Variants in COX19 observed in about 807,000 individuals in gnomAD.
COX19 encodes cytochrome c oxidase assembly protein COX19.
Under a neutral mutation model 6.8 loss-of-function variants are expected in COX19, and 8 were observed. The observed-to-expected ratio is 1.18, with a 90% confidence interval of 0.69 to 2.12. The LOEUF (loss-of-function observed/expected upper bound fraction) is 2.12. Among genes scored for constraint, COX19 ranks in the 30% most tolerant of loss-of-function variants. The probability of loss-of-function intolerance (pLI) is 0.00; values close to 1 mark genes in which losing one functional copy is unlikely to be tolerated. For synonymous variants in COX19, 51 were observed against 38.0 expected, an observed-to-expected ratio of 1.34 and a Z score of -1.26; for missense variants, 131 against 104.6, an observed-to-expected ratio of 1.25 and a Z score of -1.10.
rs1847587202 is a variant in COX19, at chr7:968,199, G to GA, written c.*1178dup. The GA allele has an allele frequency of 6.6e-6, 1 of 152,378 alleles. No homozygotes were observed. Among genetic ancestry groups the GA allele is most frequent in the African/African-American group, 2.4e-5 (1 of 41,460 alleles). The allele number at this position is 152,378 out of a possible 1,614,324, so 9.4% of individuals were successfully genotyped here. On this transcript the variant is annotated 3_prime_UTR_variant, in exon 3 of 3. Coordinates refer to ENST00000344111, the MANE Select transcript of COX19 (RefSeq NM_001031617.3). ...GGAGGGGAGGGACATGTTTAACCAC[G>GA]AAAGGGCCACCACTGCAGGACAGAA...
Position 967,169 on chromosome 7 carries a change from G to C in COX19, c.*2209C>G, listed in dbSNP as rs547674916. ...AAGAGGGAAGCACGAAGTTCTGTCA[G>C]TTTTGCTGTCACATCTCAGACTTGA... On this transcript the variant is annotated 3_prime_UTR_variant, in exon 3 of 3. Transcript: ENST00000344111. 2.0e-4 allele frequency: 30 copies of C among 152,314 alleles called. No homozygotes were observed. Among genetic ancestry groups the C allele is most frequent in the African/African-American group, 6.3e-4 (26 of 41,568 alleles). The allele number at this position is 152,314 out of a possible 1,614,324, so 9.4% of individuals were successfully genotyped here.
rs1478860352 is a variant in COX19 at position 965,180 on chromosome 7, G to A, written c.*4198C>T. ...TCATGCCTATTGGAAACTCTTTGAAGTTATTTTGAAACGAGAATCGACTCA... is the reference window on the plus strand; with the variant it reads ...TCATGCCTATTGGAAACTCTTTGAAATTATTTTGAAACGAGAATCGACTCA... On this transcript the variant is annotated 3_prime_UTR_variant, in exon 3 of 3. Coordinates refer to ENST00000344111, the MANE Select transcript of COX19 (RefSeq NM_001031617.3). 6.6e-6 allele frequency among the ~76,000 whole-genome samples: 1 copy of A among 151,832 alleles called. No individual in the cohort carries two copies. Among genetic ancestry groups the A allele is most frequent in the East Asian group, 1.9e-4 (1 of 5,184 alleles).
chr7:973,256 C>G lies in COX19; in HGVS notation c.119G>C (p.Cys40Ser), dbSNP rs1412022517. The change falls in exon 2 of 3, where the codon TGT (cysteine) becomes TCT (serine). Residue 40 changes from cysteine (C) to serine (S), a missense_variant. Transcript: ENST00000344111. ...CKSFKEKFMK[C>S]LHNNNFENAL... ...ATTTTCAAAATTATTGTTATGAAGACACTTCATGAATTTCTCTTTAAAGCT... is the reference window on the plus strand; with the variant it reads ...ATTTTCAAAATTATTGTTATGAAGAGACTTCATGAATTTCTCTTTAAAGCT... The G allele has an allele frequency of 6.3e-7, 1 of 1,597,470 alleles. No homozygotes were observed. The highest frequency in any genetic ancestry group is 1.4e-5 in the African/African-American group (1 of 73,980).
In COX19 at chr7:968,621, C is replaced by T. The variant is rs1466365332; in HGVS notation, c.*757G>A. The T allele has an allele frequency of 6.6e-6, 1 of 152,266 alleles. No individual in the cohort carries two copies. Among genetic ancestry groups the T allele is most frequent in the Non-Finnish European group, 1.5e-5 (1 of 68,064 alleles). The allele number at this position is 152,266 out of a possible 1,614,324, so 9.4% of individuals were successfully genotyped here. A position where few individuals can be genotyped will look rare whatever the true frequency, so the allele number is the denominator to read the frequency against. ...AACTTTGGCACAGACGGGCTGAGAA[C>T]TCCGCTCAGGGCCCCTGCCAGGCTG... On this transcript the variant is annotated 3_prime_UTR_variant, in exon 3 of 3. Coordinates refer to ENST00000344111, the MANE Select transcript of COX19 (RefSeq NM_001031617.3).
At position 968,204 on chromosome 7, in the gene COX19, G is replaced by C. The variant is rs569325965; in HGVS notation, c.*1174C>G. 1 of 152,494 alleles carries C rather than the reference G, an allele frequency of 6.6e-6. No homozygotes were observed. Among genetic ancestry groups the C allele is most frequent in the South Asian group, 2.1e-4 (1 of 4,830 alleles). 9.4% of individuals were successfully genotyped at this position (152,494 alleles called of 1,614,324 possible). Reference sequence around the variant, plus strand: ...GGAGGGACATGTTTAACCACGAAAGGGCCACCACTGCAGGACAGAAACAGA... The same window carrying C: ...GGAGGGACATGTTTAACCACGAAAGCGCCACCACTGCAGGACAGAAACAGA... On this transcript the variant is annotated 3_prime_UTR_variant, in exon 3 of 3. Coordinates refer to ENST00000344111, the MANE Select transcript of COX19 (RefSeq NM_001031617.3).
At position 975,402 on chromosome 7, in the gene COX19, C is replaced by T. The variant is rs771354041; in HGVS notation, c.82+26G>A. ...GACCCAGACCCCCCATCGCAGACCC[C>T]TGCCCGCCGACCTTCCGCCGCTCAC... On this transcript the variant is annotated intron_variant, in intron 1 of 2. Transcript: ENST00000344111. The T allele has an allele frequency of 3.9e-6, 6 of 1,557,838 alleles. No individual in the cohort carries two copies. The East Asian group carries it at 9.9e-5, about 26-fold the overall frequency.
Position 975,527 on chromosome 7 carries a change from C to G in COX19, c.-18G>C, listed in dbSNP as rs1395084751. On this transcript the variant is annotated 5_prime_UTR_variant, in exon 1 of 3. Transcript: ENST00000344111. ...GTCGACATGTTGGCGACTCCGGAGTCTGCGAGCGCCTTGCGAGCGTACGCA... is the reference window on the plus strand; with the variant it reads ...GTCGACATGTTGGCGACTCCGGAGTGTGCGAGCGCCTTGCGAGCGTACGCA... 2 of 1,594,378 alleles carry G rather than the reference C, an allele frequency of 1.3e-6. No homozygotes were observed. Among genetic ancestry groups the G allele is most frequent in the African/African-American group, 1.4e-5 (1 of 72,468 alleles).
rs972564217 is a variant in COX19, at chr7:968,011, C to T, written c.*1367G>A. ...TATTCTAATAAGAAACAAGACTTTC[C>T]ATCAACTAGCGGTGATATGTTAATA... On this transcript the variant is annotated 3_prime_UTR_variant, in exon 3 of 3. Transcript: ENST00000344111. 6.6e-6 allele frequency: 1 copy of T among 152,258 alleles called. No homozygotes were observed. The highest frequency in any genetic ancestry group is 1.5e-5 in the Non-Finnish European group (1 of 68,052). 9.4% of individuals were successfully genotyped at this position (152,258 alleles called of 1,614,324 possible).
chr7:971,655 A>G (rs1265421090), intron 2 of COX19, among the ~76,000 whole-genome samples: 1 of 152,168 alleles, frequency 6.6e-6, no homozygotes, highest in Non-Finnish European at 1.5e-5. Flanking sequence ...GCGGACCATG[A>G]GGTCAGGAGA....
At chr7:969,535 G>A in intron 2 of COX19, 79 bp from the exon 3 acceptor site, 3 of 907,558 alleles carry the variant, frequency 3.3e-6, no homozygotes, top group Non-Finnish European at 5.3e-6. Context: ...CGGCTTCCCA[G>A]CGCACACCGG....
rs971358102 is a variant in COX19 at position 975,212 on chromosome 7, G to T, written c.82+216C>A. The T allele has an allele frequency of 9.2e-6, 4 of 433,060 alleles. No homozygotes were observed. In the Admixed American group the frequency reaches 1.8e-4, roughly 19 times the overall value. 26.8% of individuals were successfully genotyped at this position (433,060 alleles called of 1,614,324 possible). ...CCTGACGCAAGGAGTCGGTGTCGCT[G>T]CCCTCGTCACGGGGGCCACGGTCCT... On this transcript the variant is annotated intron_variant, in intron 1 of 2. Transcript: ENST00000344111.
At position 965,858 on chromosome 7, in the gene COX19, T is replaced by C. The variant is rs1847545248; in HGVS notation, c.*3520A>G. 6.6e-6 allele frequency among the ~76,000 whole-genome samples: 1 copy of C among 152,214 alleles called. No individual in the cohort carries two copies. The highest frequency in any genetic ancestry group is 2.4e-5 in the African/African-American group (1 of 41,456). On this transcript the variant is annotated 3_prime_UTR_variant, in exon 3 of 3. Coordinates refer to ENST00000344111, the MANE Select transcript of COX19 (RefSeq NM_001031617.3). Reference sequence around the variant, plus strand: ...TTCTCCATGTTGGCCAGGCTGGCCTTGAACTCCTGGCCTCAAGTGATCTGC... The same window carrying C: ...TTCTCCATGTTGGCCAGGCTGGCCTCGAACTCCTGGCCTCAAGTGATCTGC...
chr7:965,172 T>C lies in COX19; in HGVS notation c.*4206A>G, dbSNP rs1562944148. ...TGCCGGCATCATGCCTATTGGAAACTCTTTGAAGTTATTTTGAAACGAGAA... is the reference window on the plus strand; with the variant it reads ...TGCCGGCATCATGCCTATTGGAAACCCTTTGAAGTTATTTTGAAACGAGAA... On this transcript the variant is annotated 3_prime_UTR_variant, in exon 3 of 3. Coordinates refer to ENST00000344111, the MANE Select transcript of COX19 (RefSeq NM_001031617.3). Among the ~76,000 whole-genome samples, 1 of 152,222 alleles carries C rather than the reference T, an allele frequency of 6.6e-6. No homozygotes were observed. The highest frequency in any genetic ancestry group is 2.1e-4 in the South Asian group (1 of 4,836).
rs1170370131 is a variant in COX19 at position 973,244 on chromosome 7, T to C, written c.131A>G (p.Asn44Ser). Residue 44 changes from asparagine to serine, a missense_variant, in exon 2 of 3, where the codon AAT (asparagine) becomes AGT (serine). By Grantham distance (46) the Asn-to-Ser change is conservative. Transcript: ENST00000344111. ...KEKFMKCLHN[N>S]NFENALCRKE... ...TCTGCACAAAGCATTTTCAAAATTATTGTTATGAAGACACTTCATGAATTT... is the reference window on the plus strand; with the variant it reads ...TCTGCACAAAGCATTTTCAAAATTACTGTTATGAAGACACTTCATGAATTT... 2.7e-5 allele frequency: 44 copies of C among 1,603,828 alleles called. No individual in the cohort carries two copies. Among genetic ancestry groups the C allele is most frequent in the Non-Finnish European group, 3.7e-5 (43 of 1,176,088 alleles).
At chr7:974,646 T>TTTTTC (rs916581956) in intron 1 of COX19, among the ~76,000 whole-genome samples, 2 of 151,854 alleles carry the variant, frequency 1.3e-5, no homozygotes, top group Admixed American at 6.6e-5. Context: ...TCACAGATCG[T>TTTTTC]TTTTCTTTTC....
At chr7:974,231 C>T (rs1412273714) in intron 1 of COX19, among the ~76,000 whole-genome samples, 1 of 125,970 alleles carries the variant, frequency 7.9e-6, no homozygotes, top group African/African-American at 3.1e-5. Context: ...GCCTGGGCAA[C>T]ATGGGGAAAC....
chr7:965,182 T>A lies in COX19; in HGVS notation c.*4196A>T, dbSNP rs1424166543. On this transcript the variant is annotated 3_prime_UTR_variant, in exon 3 of 3. Coordinates refer to ENST00000344111, the MANE Select transcript of COX19 (RefSeq NM_001031617.3). ...ATGCCTATTGGAAACTCTTTGAAGT[T>A]ATTTTGAAACGAGAATCGACTCAAT... Among the ~76,000 whole-genome samples the A allele has an allele frequency of 6.6e-6, 1 of 152,224 alleles. No homozygotes were observed. Among genetic ancestry groups the A allele is most frequent in the East Asian group, 1.9e-4 (1 of 5,198 alleles).
chr7:965,714 C>T lies in COX19; in HGVS notation c.*3664G>A, dbSNP rs1847542770. ...GGAGTGTGGTGGCACAATCCCTGCT[C>T]ACTGCAACCTCTGCCTCCTGGTTTA... On this transcript the variant is annotated 3_prime_UTR_variant, in exon 3 of 3. Transcript: ENST00000344111. Among the ~76,000 whole-genome samples, 1 of 152,252 alleles carries T rather than the reference C, an allele frequency of 6.6e-6. No individual in the cohort carries two copies. Among genetic ancestry groups the T allele is most frequent in the Non-Finnish European group, 1.5e-5 (1 of 68,048 alleles).
intron 2 of COX19, among the ~76,000 whole-genome samples, chr7:970,459 T>G (rs1001895095): frequency 6.8e-6 from 1 of 147,082 alleles, no homozygotes; most frequent in Non-Finnish European, 1.5e-5. Flanking sequence ...TTTTTTTTTT[T>G]TGAGACGGAG....
Sources: gnomAD v4.1 joint callset for allele counts (sites outside exome capture counted in the v4.1 genomes callset) on GRCh38, gnomAD v4.1.1 for gene constraint, MANE v1.5 for transcripts, NCBI Gene and HGNC (gene_info 2026-07-23, HGNC 2026-07-21) for gene names.